Variants in RPIA observed in about 807,000 individuals in gnomAD.
RPIA encodes ribose 5-phosphate isomerase A, also known as ribose-5-phosphate isomerase.
In RPIA, 29 loss-of-function variants were observed where a neutral mutation model predicts 37.8. The observed-to-expected ratio is 0.77, with a 90% CI of 0.57 to 1.05. RPIA has a LOEUF of 1.05. Among genes scored for constraint, RPIA ranks in the 50% least tolerant of loss-of-function variants. The pLI, the probability that RPIA is intolerant of heterozygous loss-of-function variation, is 0.00. For missense variants in RPIA, 385 were observed against 413.6 expected, an observed-to-expected ratio of 0.93 and a Z score of 0.60; for synonymous variants, 167 against 157.0, an observed-to-expected ratio of 1.06 and a Z score of -0.48.
intron 8 of RPIA, among the ~76,000 whole-genome samples, chr2:88,743,045 T>C (rs537693086): frequency 6.6e-6 from 1 of 152,228 alleles, no homozygotes; most frequent in East Asian, 1.9e-4. Flanking sequence ...TCTTGTCTGA[T>C]TGCTCTGGCT....
Position 88,738,424 on chromosome 2 carries a change from G to A in RPIA, c.838+348G>A, listed in dbSNP as rs542775253. ...AGGAGCTGGACTACAGCCTTTTTTT[G>A]TGGGTTCTCTTCTTAAGTAGCGGGG... On this transcript the variant is annotated intron_variant, in intron 8 of 8. Coordinates refer to ENST00000283646, the MANE Select transcript of RPIA (RefSeq NM_144563.3). 2.6e-5 allele frequency among the ~76,000 whole-genome samples: 4 copies of A among 152,228 alleles called. No individual in the cohort carries two copies. The South Asian group carries it at 8.3e-4, about 32-fold the overall frequency.
At chr2:88,742,893 T>A (rs1673400029) in intron 8 of RPIA, among the ~76,000 whole-genome samples, 1 of 152,198 alleles carries the variant, frequency 6.6e-6, no homozygotes, top group Non-Finnish European at 1.5e-5. Flanking sequence ...ACATTGATTT[T>A]TGTATCCTGA....
At chr2:88,743,690 T>A (rs921207371) in intron 8 of RPIA, among the ~76,000 whole-genome samples, 13 of 152,294 alleles carry the variant, frequency 8.5e-5, no homozygotes, top group South Asian at 2.1e-4. Context: ...GCAGTTTTTT[T>A]AATTACTGTT....
At chr2:88,747,343 C>T (rs1466430776) in intron 8 of RPIA, among the ~76,000 whole-genome samples, 1 of 152,238 alleles carries the variant, frequency 6.6e-6, no homozygotes, top group Non-Finnish European at 1.5e-5. Flanking sequence ...CCCCAGACTA[C>T]AGGCCTCCCT....
At chr2:88,735,463 T>C (rs72846148) in intron 5 of RPIA, among the ~76,000 whole-genome samples, 62 of 152,354 alleles carry the variant, frequency 4.1e-4, no homozygotes, top group Non-Finnish European at 7.8e-4. Context: ...GTCTGCTTTC[T>C]AGGTTTCTCC....
chr2:88,749,951 C>T lies in RPIA; in HGVS notation c.839-30C>T, dbSNP rs775571112. Reference sequence around the variant, plus strand: ...CTCTTTTTGCTTTGGGAGGCTGAAACAATGTTTCTTTCTGTCCTTTGTCCT... The same window carrying T: ...CTCTTTTTGCTTTGGGAGGCTGAAATAATGTTTCTTTCTGTCCTTTGTCCT... On this transcript the variant is annotated intron_variant, in intron 8 of 8. Coordinates refer to ENST00000283646, the MANE Select transcript of RPIA (RefSeq NM_144563.3). 17 of 1,548,316 alleles carry T rather than the reference C, an allele frequency of 1.1e-5. No individual in the cohort carries two copies. The Admixed American group carries it at 2.7e-4, about 24-fold the overall frequency.
Position 88,737,413 on chromosome 2 carries a change from A to G in RPIA, c.739-564A>G, listed in dbSNP as rs556668145. Among the ~76,000 whole-genome samples the G allele has an allele frequency of 9.9e-5, 15 of 152,220 alleles. No homozygotes were observed. The South Asian group carries it at 3.1e-3, about 32-fold the overall frequency. ...AAAAAAAAACCGTAGTTCTGTTCCT[A>G]GTGGTTGTACAGTGCTCTGACTGAC... is the stretch of plus-strand genomic sequence containing the variant. On this transcript the variant is annotated intron_variant, in intron 7 of 8. Transcript: ENST00000283646.
chr2:88,697,867 G>T (rs892068675), intron 1 of RPIA, among the ~76,000 whole-genome samples: 1 of 152,070 alleles, frequency 6.6e-6, no homozygotes. Flanking sequence ...CCCTTTATCT[G>T]CTGACTTTGG....
rs550585631 is a variant in RPIA, at chr2:88,736,750, C to T, written c.738+74C>T. 9.5e-5 allele frequency: 144 copies of T among 1,523,444 alleles called. No individual in the cohort carries two copies. In the African/African-American group the frequency reaches 1.8e-3, roughly 19 times the overall value. The allele number at this position is 1,523,444 out of a possible 1,614,324, so 94.4% of individuals were successfully genotyped here. On this transcript the variant is annotated intron_variant, in intron 7 of 8. Coordinates refer to ENST00000283646, the MANE Select transcript of RPIA (RefSeq NM_144563.3). ...CAGTGTGGTGTCCTCCCTTCTGTTGCAGTTAGGTCATGTGTGCTTCCACCA... is the reference window on the plus strand; with the variant it reads ...CAGTGTGGTGTCCTCCCTTCTGTTGTAGTTAGGTCATGTGTGCTTCCACCA...
intron 3 of RPIA, among the ~76,000 whole-genome samples, chr2:88,700,307 G>A (rs1672812743): frequency 6.6e-6 from 1 of 152,164 alleles, no homozygotes; most frequent in Non-Finnish European, 1.5e-5. Flanking sequence ...TGCAGAGATG[G>A]CCCGGTAGTC....
Position 88,700,019 on chromosome 2 carries a change from G to A in RPIA, c.357G>A (p.Val119=), listed in dbSNP as rs1478668925. 11 of 1,614,062 alleles carry A rather than the reference G, an allele frequency of 6.8e-6. No individual in the cohort carries two copies. The highest frequency in any genetic ancestry group is 1.3e-5 in the African/African-American group (1 of 74,918). ...VHAVQRIAER[V]KQENLNLVCI... is the part of the protein sequence containing the mutation. ...CTTTTGTTTCCACAGCTGAAAGGGT[G>A]AAGCAAGAGAATCTGAACCTCGTCT... The change falls in exon 3 of 9, where the codon GTG becomes GTA. Residue 119 remains valine (V), a synonymous_variant. Coordinates refer to ENST00000283646, the MANE Select transcript of RPIA (RefSeq NM_144563.3).
chr2:88,693,558 G>A (rs2104064136), intron 1 of RPIA, among the ~76,000 whole-genome samples: 1 of 152,326 alleles, frequency 6.6e-6, no homozygotes, highest in East Asian at 1.9e-4. Flanking sequence ...TGTATCTCAT[G>A]TTTTGGTCAT....
chr2:88,722,460 C>A (rs1016601645), intron 3 of RPIA, among the ~76,000 whole-genome samples: 2 of 152,142 alleles, frequency 1.3e-5, no homozygotes, highest in Non-Finnish European at 2.9e-5. Context: ...GTTTGATAGT[C>A]ATTATTTAAA....
In RPIA at chr2:88,700,018, T is replaced by C; in HGVS notation, c.356T>C (p.Val119Ala). The part of the protein sequence containing the change: ...VHAVQRIAER[V>A]KQENLNLVCI... ...GCTTTTGTTTCCACAGCTGAAAGGG[T>C]GAAGCAAGAGAATCTGAACCTCGTC... Residue 119 changes from valine to alanine, a missense_variant, in exon 3 of 9, where the codon GTG becomes GCG. Transcript: ENST00000283646. The C allele has an allele frequency of 6.2e-7, 1 of 1,614,120 alleles. No homozygotes were observed. Among genetic ancestry groups the C allele is most frequent in the Non-Finnish European group, 8.5e-7 (1 of 1,179,994 alleles).
intron 3 of RPIA, among the ~76,000 whole-genome samples, chr2:88,728,213 A>G (rs891441667): frequency 2.0e-5 from 3 of 151,894 alleles, no homozygotes; most frequent in African/African-American, 7.3e-5. Context: ...AAGTTTTTTT[A>G]TTGTCTTATC....
At chr2:88,732,742 A>T (rs1673260290) in intron 4 of RPIA, among the ~76,000 whole-genome samples, 1 of 11,084 alleles carries the variant, frequency 9.0e-5, no homozygotes, top group South Asian at 1.3e-3. Context: ...AAAAAAAAAA[A>T]AAAAAAAAAA....
intron 7 of RPIA, 52 bp downstream of exon 7, chr2:88,736,728 T>A (rs1398989500): frequency 2.5e-5 from 39 of 1,582,138 alleles, no homozygotes; most frequent in Non-Finnish European, 3.2e-5. Context: ...AGGTTTTCAG[T>A]GTGGTGTCCT....
At chr2:88,736,986 C>G (rs959761098) in intron 7 of RPIA, among the ~76,000 whole-genome samples, 1 of 152,142 alleles carries the variant, frequency 6.6e-6, no homozygotes, top group Admixed American at 6.5e-5. Context: ...CTGGAACACC[C>G]TGATTGGCAG....
chr2:88,699,414 T>G (rs192560754), intron 2 of RPIA, among the ~76,000 whole-genome samples: 2 of 151,838 alleles, frequency 1.3e-5, no homozygotes, highest in Admixed American at 1.3e-4. Context: ...TTTTTTTTTT[T>G]AAATCAAACT....
Sources: gnomAD v4.1 joint callset for allele counts (sites outside exome capture counted in the v4.1 genomes callset) on GRCh38, gnomAD v4.1.1 for gene constraint, MANE v1.5 for transcripts, NCBI Gene and HGNC (gene_info 2026-07-23, HGNC 2026-07-21) for gene names.